ZMYND8: variants seen among roughly 807,000 people sequenced by gnomAD.
The protein encoded by ZMYND8 is zinc finger MYND-type containing 8.
Under a neutral mutation model 140.8 loss-of-function variants are expected in ZMYND8, and 37 were observed. The observed-to-expected ratio is 0.26, with a 90% confidence interval of 0.20 to 0.35. ZMYND8 has a LOEUF of 0.35. ZMYND8 is among the 10% of genes least tolerant of loss of function. The pLI is 1.00. For missense variants in ZMYND8, 1,068 were observed against 1,570.0 expected (o/e 0.68, Z 5.40); for synonymous variants, 592 against 597.1 (o/e 0.99, Z 0.12).
chr20:47,337,122 C>A (rs2081446132), intron 2 of ZMYND8, among the ~76,000 whole-genome samples: 1 of 151,592 alleles, frequency 6.6e-6, no homozygotes, highest in Non-Finnish European at 1.5e-5. Flanking sequence ...GAGGCCAAGG[C>A]GGGTGGATCA....
At chr20:47,300,778 G>C (rs2077965288) in intron 3 of ZMYND8, among the ~76,000 whole-genome samples, 1 of 152,058 alleles carries the variant, frequency 6.6e-6, no homozygotes, top group South Asian at 2.1e-4. Context: ...ACAGTGGCAA[G>C]ATCTCACCTC....
chr20:47,306,612 T>C (rs6012152), intron 3 of ZMYND8, among the ~76,000 whole-genome samples: 45,177 of 146,960 alleles, frequency 0.31, 10,246 homozygotes, highest in African/African-American at 0.65. Context: ...ACTCTGTCGC[T>C]CAGGCTGCAG....
chr20:47,210,680 T>G lies in ZMYND8; in HGVS notation c.*81A>C, dbSNP rs1384821613. On this transcript the variant is annotated 3_prime_UTR_variant, in exon 23 of 23. Coordinates refer to ENST00000471951, the MANE Select transcript of ZMYND8 (RefSeq NM_001281775.3). Reference sequence around the variant, plus strand: ...TTTTCAAGTCTGAAAGTGGCTGTTCTCCTGCCTTTGTTGTTTCTTCTTTTC... The same window carrying G: ...TTTTCAAGTCTGAAAGTGGCTGTTCGCCTGCCTTTGTTGTTTCTTCTTTTC... The G allele has an allele frequency of 6.2e-7, 1 of 1,611,884 alleles. No individual in the cohort carries two copies. Among genetic ancestry groups the G allele is most frequent in the Admixed American group, 1.7e-5 (1 of 59,942 alleles).
intron 14 of ZMYND8, among the ~76,000 whole-genome samples, chr20:47,245,057 G>A (rs867082690): frequency 2.6e-5 from 4 of 151,660 alleles, no homozygotes; most frequent in East Asian, 3.9e-4. Flanking sequence ...AATTCTGTCC[G>A]CCCCCCCTCC....
intron 3 of ZMYND8, among the ~76,000 whole-genome samples, chr20:47,300,842 G>A (rs1307325109): frequency 6.6e-6 from 1 of 151,296 alleles, no homozygotes; most frequent in Non-Finnish European, 1.5e-5. Flanking sequence ...AGCCTCCCAA[G>A]TAGCTGGGAC....
intron 15 of ZMYND8, chr20:47,237,743 C>G (rs940062478): frequency 6.6e-6 from 1 of 152,122 alleles, no homozygotes; most frequent in African/African-American, 2.4e-5. Context: ...CTCACAGGGG[C>G]GCATTCACTA....
In ZMYND8 at chr20:47,209,272, G is replaced by C. The variant is rs896245505; in HGVS notation, c.*1489C>G. 17 of 152,042 alleles carry C rather than the reference G, an allele frequency of 1.1e-4. No homozygotes were observed. The highest frequency in any genetic ancestry group is 4.1e-4 in the African/African-American group (17 of 41,354). 9.4% of individuals were successfully genotyped at this position (152,042 alleles called of 1,614,324 possible). A position where few individuals can be genotyped will look rare whatever the true frequency, so the allele number is the denominator to read the frequency against. Reference sequence around the variant, plus strand: ...TAAAGAAATCTGAAAAAACTGGGGGGGTGGGGGAAGGAACGGGCAAACCCA... The same window carrying C: ...TAAAGAAATCTGAAAAAACTGGGGGCGTGGGGGAAGGAACGGGCAAACCCA... On this transcript the variant is annotated 3_prime_UTR_variant, in exon 23 of 23. Coordinates refer to ENST00000471951, the MANE Select transcript of ZMYND8 (RefSeq NM_001281775.3).
chr20:47,321,792 A>G (rs1013627809), intron 2 of ZMYND8, among the ~76,000 whole-genome samples: 3 of 151,466 alleles, frequency 2.0e-5, no homozygotes, highest in African/African-American at 7.3e-5. Context: ...CCTTTTATTG[A>G]GCAGTTACTA....
At chr20:47,247,759 G>T (rs2040744281) in intron 13 of ZMYND8, among the ~76,000 whole-genome samples, 1 of 152,204 alleles carries the variant, frequency 6.6e-6, no homozygotes, top group Non-Finnish European at 1.5e-5. Flanking sequence ...ACAGCCCGGG[G>T]CATGGGGGAT....
chr20:47,225,007 A>G (rs1389133833), intron 18 of ZMYND8, among the ~76,000 whole-genome samples: 1 of 152,146 alleles, frequency 6.6e-6, no homozygotes, highest in African/African-American at 2.4e-5. Context: ...CCCTCATCCT[A>G]ATAATCCTAC....
chr20:47,338,421 G>T (rs946517914), intron 2 of ZMYND8, among the ~76,000 whole-genome samples: 2 of 150,534 alleles, frequency 1.3e-5, no homozygotes, highest in Non-Finnish European at 2.9e-5. Flanking sequence ...AGAAAAGCAG[G>T]CTGGAGGAAA....
chr20:47,353,423 G>A (rs1186003927), intron 1 of ZMYND8: 4 of 152,192 alleles, frequency 2.6e-5, no homozygotes, highest in Admixed American at 2.0e-4. Flanking sequence ...TGGCGCCAAC[G>A]GGCTAACTAT....
chr20:47,227,129 G>A (rs558037520), intron 18 of ZMYND8, 74 bp downstream of exon 18: 27 of 1,473,140 alleles, frequency 1.8e-5, no homozygotes, highest in East Asian at 1.1e-4. Flanking sequence ...CTCACATCTC[G>A]GCTTGACTCC....
chr20:47,223,092 C>T (rs773760127), intron 19 of ZMYND8, among the ~76,000 whole-genome samples: 59 of 152,216 alleles, frequency 3.9e-4, no homozygotes, highest in Non-Finnish European at 7.3e-5. Context: ...TTTGCCAATC[C>T]GCAGACATAC....
chr20:47,311,642 C>A (rs1482854214), intron 2 of ZMYND8, among the ~76,000 whole-genome samples: 1 of 151,502 alleles, frequency 6.6e-6, no homozygotes, highest in Non-Finnish European at 1.5e-5. Context: ...TTTTCACGAA[C>A]AATGGCGGGA....
At chr20:47,285,912 C>T (rs1001634864) in intron 8 of ZMYND8, 8 of 904,002 alleles carry the variant, frequency 8.8e-6, no homozygotes, top group Middle Eastern at 1.1e-3. Context: ...AGACATAAGC[C>T]GGGCTTGGTG....
At chr20:47,251,831 C>T (rs1018972603) in intron 12 of ZMYND8, among the ~76,000 whole-genome samples, 5 of 146,416 alleles carry the variant, frequency 3.4e-5, no homozygotes, top group East Asian at 1.9e-4. Flanking sequence ...GCCTCTGCCC[C>T]GCCCCGCACC....
At chr20:47,222,141 T>G (rs1014911768) in intron 19 of ZMYND8, among the ~76,000 whole-genome samples, 1 of 152,236 alleles carries the variant, frequency 6.6e-6, no homozygotes, top group African/African-American at 2.4e-5. Flanking sequence ...CCCAGAGACT[T>G]TCTTCCTTCT....
chr20:47,237,493 T>C (rs558621755), intron 15 of ZMYND8: 31 of 152,080 alleles, frequency 2.0e-4, no homozygotes, highest in African/African-American at 7.2e-4. Context: ...CCTGGGGAAG[T>C]CTCCTGCTTA....
Sources: allele counts gnomAD v4.1 joint callset (sites outside exome capture counted in the v4.1 genomes callset), GRCh38; gene constraint gnomAD v4.1.1; transcripts MANE v1.5; gene names NCBI Gene and HGNC (gene_info 2026-07-23, HGNC 2026-07-21).